Variants in PKP2 observed in about 807,000 individuals in gnomAD.
PKP2 encodes plakophilin 2.
A neutral mutation model predicts 83.4 loss-of-function variants in PKP2; 73 were observed. The ratio of observed to expected loss-of-function variants is 0.88; its 90% CI spans 0.72 to 1.06. The LOEUF (loss-of-function observed/expected upper bound fraction) is 1.06. Among genes scored for constraint, PKP2 ranks in the 50% least tolerant of loss-of-function variants. The pLI, the probability that PKP2 is intolerant of heterozygous loss-of-function variation, is 0.00. For synonymous variants in PKP2, 409 were observed against 430.4 expected (o/e 0.95, Z 0.62); for missense variants, 966 against 1,065.4 (o/e 0.91, Z 1.30).
intron 9 of PKP2, among the ~76,000 whole-genome samples, chr12:32,806,562 C>A (rs1956227691): frequency 6.6e-6 from 1 of 152,208 alleles, no homozygotes; most frequent in East Asian, 1.9e-4. Flanking sequence ...GTGGTGATAT[C>A]CCACTTATCA....
chr12:32,851,655 A>C (rs1956697517), intron 4 of PKP2, among the ~76,000 whole-genome samples: 1 of 152,096 alleles, frequency 6.6e-6, no homozygotes, highest in African/African-American at 2.4e-5. Context: ...TTTTTAGTAG[A>C]GATGGGGTTT....
intron 11 of PKP2, among the ~76,000 whole-genome samples, chr12:32,793,991 G>C (rs1004798612): frequency 6.6e-6 from 1 of 152,090 alleles, no homozygotes; most frequent in Non-Finnish European, 1.5e-5. Flanking sequence ...ATTAGCACAT[G>C]GCTGATTTTT....
At chr12:32,807,044 A>C (rs1956232107) in intron 9 of PKP2, among the ~76,000 whole-genome samples, 2 of 152,068 alleles carry the variant, frequency 1.3e-5, no homozygotes, top group African/African-American at 2.4e-5. Context: ...TTGAGTTCTA[A>C]TTTGGTTGCA....
rs1481690663 is a variant in PKP2, at chr12:32,796,205, G to C, written c.2261C>G (p.Thr754Arg). 1.2e-6 allele frequency: 2 copies of C among 1,613,826 alleles called. No individual in the cohort carries two copies. The highest frequency in any genetic ancestry group is 1.7e-6 in the Non-Finnish European group (2 of 1,179,850). ...ACTGTTTTGGATTATGTTGTTCAAT[G>C]TGTAACAGGCAGAGGCTGTAGTTTC... is the stretch of plus-strand genomic sequence containing the variant. ...LIETTASACYTLNNIIQNSYQ... is the reference protein window; with the variant it reads ...LIETTASACYRLNNIIQNSYQ... Residue 754 changes from threonine (T) to arginine (R), a missense_variant, in exon 11 of 13, where the codon ACA becomes AGA. Coordinates refer to ENST00000340811, the MANE Select transcript of PKP2 (RefSeq NM_001005242.3).
At chr12:32,858,380 G>C (rs1424250824) in intron 4 of PKP2, among the ~76,000 whole-genome samples, 1 of 151,656 alleles carries the variant, frequency 6.6e-6, no homozygotes, top group African/African-American at 2.4e-5. Context: ...AGCTATTAAA[G>C]GATCAATATT....
chr12:32,848,107 T>C (rs1303193468), intron 5 of PKP2, among the ~76,000 whole-genome samples: 1 of 152,212 alleles, frequency 6.6e-6, no homozygotes, highest in Non-Finnish European at 1.5e-5. Context: ...TCATGGGACC[T>C]GACAGAATGC....
chr12:32,797,300 C>T (rs1044072879), intron 10 of PKP2, among the ~76,000 whole-genome samples: 3 of 151,344 alleles, frequency 2.0e-5, no homozygotes, highest in Admixed American at 1.3e-4. Flanking sequence ...ATTAGCTGGG[C>T]GTAGTGGCAC....
At chr12:32,843,967 G>A (rs1956624191) in intron 5 of PKP2, among the ~76,000 whole-genome samples, 1 of 152,160 alleles carries the variant, frequency 6.6e-6, no homozygotes, top group African/African-American at 2.4e-5. Context: ...AGAATGTGAA[G>A]CATAATGACA....
chr12:32,896,163 C>T (rs1375304727), intron 1 of PKP2, among the ~76,000 whole-genome samples: 1 of 152,180 alleles, frequency 6.6e-6, no homozygotes, highest in African/African-American at 2.4e-5. Context: ...CATAGCATCT[C>T]AAGGTGTTTA....
intron 6 of PKP2, among the ~76,000 whole-genome samples, chr12:32,833,098 C>G (rs1015314834): frequency 2.0e-5 from 3 of 152,124 alleles, no homozygotes; most frequent in Admixed American, 1.3e-4. Context: ...TGAAAACCAG[C>G]TGGGCGAGGT....
chr12:32,896,333 T>C (rs1051838573), intron 1 of PKP2, among the ~76,000 whole-genome samples, 176 bp downstream of exon 1: 10 of 152,156 alleles, frequency 6.6e-5, no homozygotes, highest in African/African-American at 1.7e-4. Flanking sequence ...AGCTGAGTAA[T>C]AGGTTATGGA....
Position 32,813,231 on chromosome 12 carries a change from A to G in PKP2, c.2013+8125T>C, listed in dbSNP as rs1488855210. On this transcript the variant is annotated intron_variant, in intron 9 of 12. Transcript: ENST00000340811. Reference sequence around the variant, plus strand: ...AACCCCCAAACAACCAAACAAATGGACTAAGCCATAAGGACCTCTTGTGAA... The same window carrying G: ...AACCCCCAAACAACCAAACAAATGGGCTAAGCCATAAGGACCTCTTGTGAA... Among the ~76,000 whole-genome samples, 8 of 152,222 alleles carry G rather than the reference A, an allele frequency of 5.3e-5. No homozygotes were observed. The East Asian group carries it at 1.3e-3, about 26-fold the overall frequency.
intron 1 of PKP2, among the ~76,000 whole-genome samples, chr12:32,886,133 A>G (rs1005866): frequency 1.4e-4 from 21 of 152,208 alleles, no homozygotes; most frequent in Admixed American, 5.9e-4. Flanking sequence ...TGGGCTAACA[A>G]CCGTGAGCAG....
At chr12:32,841,914 G>A (rs961314284) in intron 5 of PKP2, among the ~76,000 whole-genome samples, 2 of 152,180 alleles carry the variant, frequency 1.3e-5, no homozygotes, top group African/African-American at 2.4e-5. Flanking sequence ...CAACTTGCAT[G>A]GCCTAAGTAC....
rs746144782 is a variant in PKP2, at chr12:32,878,078, C to A, written c.802G>T (p.Val268Phe). ...GGCACCAGCGGCCTGACCTGCCCGA[C>A]AGTGAGCCCTGCCGTCAGGTAGTTC... Reference protein sequence around the residue: ...KENYLTAGLTVGQVRPLVPLQ... With the variant: ...KENYLTAGLTFGQVRPLVPLQ... Residue 268 changes from valine to phenylalanine, a missense_variant, in exon 3 of 13, where the codon GTC (valine) becomes TTC (phenylalanine). Val to Phe is a conservative substitution (Grantham distance 50). Transcript: ENST00000340811. 6.2e-7 allele frequency: 1 copy of A among 1,614,116 alleles called. No individual in the cohort carries two copies. Among genetic ancestry groups the A allele is most frequent in the Non-Finnish European group, 8.5e-7 (1 of 1,180,042 alleles).
chr12:32,803,388 C>T (rs1159762122), intron 9 of PKP2, among the ~76,000 whole-genome samples: 2 of 152,068 alleles, frequency 1.3e-5, no homozygotes, highest in African/African-American at 4.8e-5. Flanking sequence ...AACAAACAAA[C>T]AAACAAATGC....
intron 1 of PKP2, among the ~76,000 whole-genome samples, chr12:32,887,783 T>A (rs1957042990): frequency 6.6e-6 from 1 of 152,230 alleles, no homozygotes; most frequent in South Asian, 2.1e-4. Context: ...TCATATTTTG[T>A]TTGAGGTATT....
chr12:32,891,487 T>C (rs898740710), intron 1 of PKP2, among the ~76,000 whole-genome samples: 1 of 152,216 alleles, frequency 6.6e-6, no homozygotes, highest in Non-Finnish European at 1.5e-5. Context: ...TAAAATAATG[T>C]AACTATGTAT....
intron 5 of PKP2, among the ~76,000 whole-genome samples, chr12:32,842,425 T>C (rs1029486761): frequency 2.0e-5 from 3 of 151,874 alleles, no homozygotes; most frequent in Non-Finnish European, 1.5e-5. Context: ...GTATTTTCGG[T>C]AGAGACGGGT....
Sources: gnomAD v4.1 joint callset for allele counts (sites outside exome capture counted in the v4.1 genomes callset) on GRCh38, gnomAD v4.1.1 for gene constraint, MANE v1.5 for transcripts, NCBI Gene and HGNC (gene_info 2026-07-23, HGNC 2026-07-21) for gene names.